The following ZNF385D variants were observed in gnomAD, a reference collection of about 807,000 sequenced individuals.
ZNF385D encodes zinc finger protein 385D.
ZNF385D carries 15 observed loss-of-function variants against 35.8 expected under a neutral mutation model. The ratio of observed to expected loss-of-function variants is 0.42; its 90% CI spans 0.28 to 0.64. The LOEUF (loss-of-function observed/expected upper bound fraction) is 0.64. ZNF385D is among the 30% of genes least tolerant of loss of function. ZNF385D has a pLI of 0.23. For synonymous variants in ZNF385D, 212 were observed against 186.8 expected (o/e 1.13, Z -1.10); for missense variants, 474 against 494.6 (o/e 0.96, Z 0.39).
At chr3:21,964,850 TC>T (rs1350519375) in intron 3 of ZNF385D, among the ~76,000 whole-genome samples, 1 of 152,026 alleles carries the variant, frequency 6.6e-6, no homozygotes, top group East Asian at 1.9e-4. Flanking sequence ...GGTAATAATT[TC>T]TATTCTTATT....
intron 2 of ZNF385D, among the ~76,000 whole-genome samples, chr3:22,298,852 G>A (rs1702749027): frequency 6.6e-6 from 1 of 151,718 alleles, no homozygotes. Context: ...ACTTAGCCAT[G>A]GACTTGTGCT....
At chr3:21,527,593 TATC>T (rs1261234412) in intron 3 of ZNF385D, among the ~76,000 whole-genome samples, 1 of 152,132 alleles carries the variant, frequency 6.6e-6, no homozygotes, top group Non-Finnish European at 1.5e-5. Flanking sequence ...TCCATAGAAA[TATC>T]ATTAACTTCA....
chr3:22,295,149 G>A (rs561952328), intron 2 of ZNF385D, among the ~76,000 whole-genome samples: 1 of 152,048 alleles, frequency 6.6e-6, no homozygotes, highest in Non-Finnish European at 1.5e-5. Flanking sequence ...ATATACCATA[G>A]ATAACAATAA....
At chr3:21,799,565 T>C (rs538415024) in intron 3 of ZNF385D, among the ~76,000 whole-genome samples, 1 of 152,282 alleles carries the variant, frequency 6.6e-6, no homozygotes, top group Admixed American at 6.5e-5. Flanking sequence ...CATTTATATA[T>C]CTTCTTTGGA....
At chr3:21,988,057 G>T (rs200819416) in intron 3 of ZNF385D, among the ~76,000 whole-genome samples, 1 of 140,654 alleles carries the variant, frequency 7.1e-6, no homozygotes. Context: ...GGTTATTCTA[G>T]TTATACATTC....
chr3:21,708,580 C>T lies in ZNF385D; in HGVS notation c.22+42315G>A, dbSNP rs552362582. Among the ~76,000 whole-genome samples the T allele has an allele frequency of 2.6e-5, 4 of 152,248 alleles. No individual in the cohort carries two copies. In the South Asian group the frequency reaches 8.3e-4, roughly 32 times the overall value. ...ATGTGGAAATAAATTTGAAATTACT[C>T]TATTACATTACTAAATTTTAAAAGA... On this transcript the variant is annotated intron_variant, in intron 1 of 7. Coordinates refer to ENST00000281523, the MANE Select transcript of ZNF385D (RefSeq NM_024697.3).
intron 3 of ZNF385D, among the ~76,000 whole-genome samples, chr3:21,949,656 A>C (rs1186465302): frequency 6.7e-6 from 1 of 150,224 alleles, no homozygotes; most frequent in African/African-American, 2.5e-5. Context: ...TGCTGCACCC[A>C]TCAACCCATC....
At chr3:22,317,294 A>C (rs1360267031) in intron 2 of ZNF385D, among the ~76,000 whole-genome samples, 3 of 150,000 alleles carry the variant, frequency 2.0e-5, no homozygotes, top group Non-Finnish European at 3.0e-5. Context: ...AAAAAAAAAA[A>C]AAAAAAAAAA....
intron 3 of ZNF385D, among the ~76,000 whole-genome samples, chr3:21,936,085 G>C (rs1701241650): frequency 6.6e-6 from 1 of 152,074 alleles, no homozygotes; most frequent in African/African-American, 2.4e-5. Context: ...CCAGAGACCA[G>C]TTACACAGCT....
chr3:21,970,300 CAAAG>C (rs1248748323), intron 3 of ZNF385D, among the ~76,000 whole-genome samples: 1 of 151,838 alleles, frequency 6.6e-6, no homozygotes, highest in African/African-American at 2.4e-5. Context: ...TGAGGAAACT[CAAAG>C]AAATTTAAGA....
chr3:22,168,092 G>A (rs570782083), intron 3 of ZNF385D, among the ~76,000 whole-genome samples: 9 of 152,244 alleles, frequency 5.9e-5, no homozygotes, highest in East Asian at 5.8e-4. Flanking sequence ...TAATTTAGAT[G>A]AATTATATTT....
At chr3:21,469,228 C>A (rs946201926) in intron 4 of ZNF385D, among the ~76,000 whole-genome samples, 3 of 152,114 alleles carry the variant, frequency 2.0e-5, no homozygotes, top group Admixed American at 2.0e-4. Context: ...CATAATGATT[C>A]GCATGCTGTA....
At chr3:21,483,139 A>G (rs1704756357) in intron 4 of ZNF385D, among the ~76,000 whole-genome samples, 1 of 152,094 alleles carries the variant, frequency 6.6e-6, no homozygotes, top group Admixed American at 6.6e-5. Flanking sequence ...TATTTGTACT[A>G]CCCCATTAAA....
intron 2 of ZNF385D, among the ~76,000 whole-genome samples, chr3:22,278,058 G>A (rs1701522535): frequency 6.6e-6 from 1 of 152,016 alleles, no homozygotes; most frequent in Admixed American, 6.6e-5. Context: ...GCACTTCTTA[G>A]ATTTTGTAAT....
intron 1 of ZNF385D, among the ~76,000 whole-genome samples, chr3:21,683,594 G>A (rs2066985601): frequency 6.7e-6 from 1 of 149,450 alleles, no homozygotes; most frequent in South Asian, 2.2e-4. Flanking sequence ...TCCAGCCTGG[G>A]TGAGAGAGTG....
intron 4 of ZNF385D, among the ~76,000 whole-genome samples, chr3:21,460,571 A>T (rs982864138): frequency 6.6e-6 from 1 of 152,194 alleles, no homozygotes; most frequent in African/African-American, 2.4e-5. Context: ...TTTCTATATA[A>T]TCTCATGATA....
chr3:21,863,111 G>A (rs1294128026), intron 3 of ZNF385D, among the ~76,000 whole-genome samples: 1 of 152,034 alleles, frequency 6.6e-6, no homozygotes, highest in Non-Finnish European at 1.5e-5. Context: ...AATCCTAGAG[G>A]CCAGTAGCAT....
intron 3 of ZNF385D, among the ~76,000 whole-genome samples, chr3:21,993,864 G>C (rs73820897): frequency 0.013 from 2,041 of 152,206 alleles, 41 homozygotes; most frequent in African/African-American, 0.046. Context: ...GCTGAAAAAT[G>C]AGTAACATCT....
chr3:22,221,649 T>C (rs1004523169), intron 2 of ZNF385D, among the ~76,000 whole-genome samples: 1 of 152,152 alleles, frequency 6.6e-6, no homozygotes, highest in African/African-American at 2.4e-5. Flanking sequence ...TTGATCCTTT[T>C]AATAAAAAAG....
Sources: allele counts gnomAD v4.1 joint callset (sites outside exome capture counted in the v4.1 genomes callset), GRCh38; gene constraint gnomAD v4.1.1; transcripts MANE v1.5; gene names NCBI Gene and HGNC (gene_info 2026-07-23, HGNC 2026-07-21).